WDR73: variants seen among roughly 807,000 people sequenced by gnomAD.
WDR73 encodes WD repeat domain 73.
A neutral mutation model predicts 38.2 loss-of-function variants in WDR73; 30 were observed. That is an observed-to-expected ratio of 0.79 (90% CI 0.59 to 1.06). The LOEUF (loss-of-function observed/expected upper bound fraction) is 1.06. Among genes scored for constraint, WDR73 ranks in the 50% least tolerant of loss-of-function variants. WDR73 has a pLI of 0.00. For missense variants in WDR73, 487 were observed against 467.0 expected (o/e 1.04, Z -0.40); for synonymous variants, 197 against 176.0 (o/e 1.12, Z -0.94).
chr15:84,645,650 T>TG lies in WDR73; in HGVS notation c.703dup (p.Gln235ProfsTer20). On this transcript the variant is annotated frameshift_variant, in exon 7 of 8. Coordinates refer to ENST00000434634, the MANE Select transcript of WDR73 (RefSeq NM_032856.5). LOFTEE classifies it high-confidence loss of function. ...GCTGGCAATGCTGGGCCCAGGGCCC[T>TG]GGCCCCAGCTCCCAACTTCAGCACA... 1 of 1,608,354 alleles carries TG rather than the reference T, an allele frequency of 6.2e-7. No homozygotes were observed. Among genetic ancestry groups the TG allele is most frequent in the East Asian group, 2.2e-5 (1 of 44,648 alleles).
chr15:84,643,827 G>T, intron 7 of WDR73, 104 bp from the exon 8 acceptor site: 4 of 1,351,370 alleles, frequency 3.0e-6, no homozygotes, highest in Non-Finnish European at 3.9e-6. Context: ...ATGTTGACCA[G>T]GATGGTCTTG....
In WDR73 at chr15:84,643,009, C is replaced by T. The variant is rs1896312883; in HGVS notation, c.*461G>A. The stretch of plus-strand genomic sequence containing the variant: ...GGGGGACAAGTGTGGGAAAGTGCAC[C>T]TGTGTTCCCATGAGACCCACTCAAG... On this transcript the variant is annotated 3_prime_UTR_variant, in exon 8 of 8. Transcript: ENST00000434634. 6.0e-6 allele frequency: 1 copy of T among 166,534 alleles called. No homozygotes were observed. The highest frequency in any genetic ancestry group is 5.7e-5 in the Admixed American group (1 of 17,582). The allele number at this position is 166,534 out of a possible 1,614,324, so 10.3% of individuals were successfully genotyped here.
At chr15:84,649,071 T>C (rs757567332) in intron 3 of WDR73, among the ~76,000 whole-genome samples, 1 of 152,246 alleles carries the variant, frequency 6.6e-6, no homozygotes, top group Non-Finnish European at 1.5e-5. Flanking sequence ...TCACATTTAA[T>C]TCTTACAACC....
chr15:84,645,054 C>T (rs1349176369), intron 7 of WDR73: 2 of 320,110 alleles, frequency 6.2e-6, no homozygotes, highest in Admixed American at 4.9e-5. Flanking sequence ...AGGTTCACGC[C>T]ATTCTTCTGC....
At chr15:84,652,028 T>G (rs993390148) in intron 3 of WDR73, among the ~76,000 whole-genome samples, 1 of 152,070 alleles carries the variant, frequency 6.6e-6, no homozygotes, top group Non-Finnish European at 1.5e-5. Flanking sequence ...CCACCATGCC[T>G]GGCTAATTTT....
rs1425905717 is a variant in WDR73, at chr15:84,640,962, T to C, written c.*2508A>G. On this transcript the variant is annotated 3_prime_UTR_variant, in exon 8 of 8. Coordinates refer to ENST00000434634, the MANE Select transcript of WDR73 (RefSeq NM_032856.5). ...ATTATCATCATCATTATAATTATTA[T>C]GAAAATAGATAAGGGCATTATCCTG... The C allele has an allele frequency of 6.6e-6, 1 of 152,120 alleles. No individual in the cohort carries two copies. The highest frequency in any genetic ancestry group is 2.4e-5 in the African/African-American group (1 of 41,410). 9.4% of individuals were successfully genotyped at this position (152,120 alleles called of 1,614,324 possible). A position where few individuals can be genotyped will look rare whatever the true frequency, so the allele number is the denominator to read the frequency against.
At position 84,642,464 on chromosome 15, in the gene WDR73, A is replaced by G. The variant is rs1200600982; in HGVS notation, c.*1006T>C. The G allele has an allele frequency of 6.6e-6, 1 of 151,934 alleles. No homozygotes were observed. Among genetic ancestry groups the G allele is most frequent in the Non-Finnish European group, 1.5e-5 (1 of 68,024 alleles). 9.4% of individuals were successfully genotyped at this position (151,934 alleles called of 1,614,324 possible). The stretch of plus-strand genomic sequence containing the variant: ...TAGATGCTGACAGAGTGAACAACTT[A>G]TCTATTTTGTGTGTGTGTGTGTAAC... On this transcript the variant is annotated 3_prime_UTR_variant, in exon 8 of 8. Transcript: ENST00000434634.
At chr15:84,648,090 C>A in intron 4 of WDR73, 136 bp from the exon 5 acceptor site, 1 of 758,270 alleles carries the variant, frequency 1.3e-6, no homozygotes, top group Admixed American at 2.0e-5. Flanking sequence ...CAAGGCCAAC[C>A]ACCCTCATTT....
At chr15:84,646,061 C>T in intron 6 of WDR73, 123 bp downstream of exon 6, 1 of 1,555,752 alleles carries the variant, frequency 6.4e-7, no homozygotes, top group Non-Finnish European at 8.7e-7. Context: ...GGGCTTACCT[C>T]TTATTCACTG....
chr15:84,646,101 G>A, intron 6 of WDR73, 83 bp downstream of exon 6: 1 of 1,596,018 alleles, frequency 6.3e-7, no homozygotes, highest in Middle Eastern at 1.7e-4. Context: ...ACAGAGAGTT[G>A]AACTCAGTTT....
chr15:84,648,318 A>G (rs1224200030), intron 4 of WDR73: 17 of 589,042 alleles, frequency 2.9e-5, no homozygotes, highest in Non-Finnish European at 4.8e-5. Flanking sequence ...TAGAACTGTT[A>G]CTTACATTAG....
chr15:84,652,077 A>G (rs1896641874), intron 3 of WDR73, among the ~76,000 whole-genome samples: 2 of 152,182 alleles, frequency 1.3e-5, no homozygotes, highest in African/African-American at 2.4e-5. Flanking sequence ...CATGTTGGTC[A>G]GGATGGTCCC....
At chr15:84,650,064 G>T (rs1015789826) in intron 3 of WDR73, among the ~76,000 whole-genome samples, 1 of 152,204 alleles carries the variant, frequency 6.6e-6, no homozygotes, top group Non-Finnish European at 1.5e-5. Flanking sequence ...ACATCTGCAT[G>T]GGATCTAGCC....
intron 7 of WDR73, chr15:84,644,163 C>T (rs1297944325): frequency 6.2e-6 from 1 of 161,996 alleles, no homozygotes; most frequent in African/African-American, 2.4e-5. Flanking sequence ...ACCCAGGAAA[C>T]TGAGGCTTAA....
At chr15:84,651,191 G>A (rs930178631) in intron 3 of WDR73, among the ~76,000 whole-genome samples, 5 of 152,152 alleles carry the variant, frequency 3.3e-5, no homozygotes, top group South Asian at 2.1e-4. Context: ...TTGGGAGGCC[G>A]AAGCAGGCGG....
Position 84,645,738 on chromosome 15 carries a change from G to C in WDR73, c.616C>G (p.Arg206Gly). The C allele has an allele frequency of 1.2e-6, 2 of 1,610,786 alleles. No homozygotes were observed. The highest frequency in any genetic ancestry group is 1.7e-6 in the Non-Finnish European group (2 of 1,178,546). Residue 206 changes from arginine to glycine, a missense_variant, in exon 7 of 8, where the codon CGG becomes GGG. Arg to Gly is a moderately radical substitution (Grantham distance 125). Transcript: ENST00000434634. The stretch of plus-strand genomic sequence containing the variant: ...TTCTCCAACGGTGCCCACTTCTGCC[G>C]GGTGTCAACAAGCCCCAGCCGGCCT... ...ASGRLGLVDT[R>G]QKWAPLENRS...
intron 5 of WDR73, 145 bp from the exon 6 acceptor site, chr15:84,646,493 C>G (rs1567022650): frequency 8.4e-7 from 1 of 1,196,432 alleles, no homozygotes; most frequent in South Asian, 1.7e-5. Flanking sequence ...TGAGACATAA[C>G]TACTCTGGCT....
chr15:84,645,341 A>G, intron 7 of WDR73, 130 bp downstream of exon 7: 4 of 1,537,196 alleles, frequency 2.6e-6, no homozygotes, highest in Non-Finnish European at 3.5e-6. Context: ...GGAGAGTTCG[A>G]ATTTCTCTGT....
intron 7 of WDR73, 21 bp downstream of exon 7, chr15:84,645,425 GGAAGAAAGAGATCAGATAACAAGAC>G (rs1567021718): frequency 2.5e-6 from 4 of 1,605,204 alleles, no homozygotes. Context: ...ACAGTCTCCT[GGAAGAAAGAGATCAGATAACAAGAC>G]GAAATCCTGC....
Sources: gnomAD v4.1 joint callset for allele counts (sites outside exome capture counted in the v4.1 genomes callset) on GRCh38, gnomAD v4.1.1 for gene constraint, MANE v1.5 for transcripts, NCBI Gene and HGNC (gene_info 2026-07-23, HGNC 2026-07-21) for gene names.